GON4L: variants seen among roughly 807,000 people sequenced by gnomAD.
The protein encoded by GON4L is GON-4-like protein.
GON4L carries 87 observed loss-of-function variants against 211.8 expected under a neutral mutation model. The observed-to-expected ratio is 0.41, with a 90% confidence interval of 0.35 to 0.49. GON4L has a LOEUF of 0.49. GON4L is among the 20% of genes least tolerant of loss of function. The pLI, the probability that GON4L is intolerant of heterozygous loss-of-function variation, is 0.15. For synonymous variants in GON4L, 875 were observed against 962.6 expected, an observed-to-expected ratio of 0.91 and a Z score of 1.68; for missense variants, 2,155 against 2,659.5, an observed-to-expected ratio of 0.81 and a Z score of 4.17.
chr1:155,807,023 TAGG>T (rs1233647038), intron 10 of GON4L, among the ~76,000 whole-genome samples: 4 of 145,074 alleles, frequency 2.8e-5, no homozygotes, highest in Non-Finnish European at 5.9e-5. Context: ...CTCTTGAGAC[TAGG>T]AGATCAAGGC....
rs145954239 is a variant in GON4L at position 155,802,965 on chromosome 1, C to A, written c.1645+1984G>T. The stretch of plus-strand genomic sequence containing the variant: ...AGTGAGACCCTGTCTCACACACACA[C>A]AAAAAAGTACAATGTATTGTGAACC... On this transcript the variant is annotated intron_variant, in intron 11 of 31. Coordinates refer to ENST00000368331, the MANE Select transcript of GON4L (RefSeq NM_001282860.2). Among the ~76,000 whole-genome samples the A allele has an allele frequency of 4.1e-3, 626 of 152,170 alleles. 3 individuals carry two copies. Among genetic ancestry groups the A allele is most frequent in the African/African-American group, 0.015 (609 of 41,526 alleles).
upstream of GON4L, among the ~76,000 whole-genome samples, chr1:155,858,326 A>T (rs1196805345): frequency 1.3e-5 from 2 of 152,240 alleles, no homozygotes; most frequent in African/African-American, 4.8e-5. Flanking sequence ...TTTTACAGGT[A>T]AACCACCAAC....
intron 3 of GON4L, among the ~76,000 whole-genome samples, chr1:155,824,836 A>G (rs1669048039): frequency 6.6e-6 from 1 of 151,676 alleles, no homozygotes; most frequent in Non-Finnish European, 1.5e-5. Context: ...AAGAAAAAAC[A>G]AAGAGTTGAA....
intron 20 of GON4L, chr1:155,767,192 A>G: frequency 9.5e-7 from 1 of 1,051,668 alleles, no homozygotes; most frequent in Non-Finnish European, 1.4e-6. Context: ...TATACACTTT[A>G]GAAACTTCTG....
Position 155,760,433 on chromosome 1 carries a change from C to T in GON4L, c.5109+11G>A. The T allele has an allele frequency of 6.4e-7, 1 of 1,562,616 alleles. No individual in the cohort carries two copies. Among genetic ancestry groups the T allele is most frequent in the Admixed American group, 1.8e-5 (1 of 56,072 alleles). ...GGAGTCCCAGTGTACTTTTTTTCCC[C>T]ATTCACTTACTAATCCACAGGCCAG... On this transcript the variant is annotated intron_variant, in intron 24 of 31. Transcript: ENST00000368331.
intron 8 of GON4L, 37 bp from the exon 9 acceptor site, chr1:155,814,486 C>T (rs952059148): frequency 1.9e-6 from 3 of 1,605,312 alleles, no homozygotes; most frequent in South Asian, 2.2e-5. Flanking sequence ...ATATTTATGC[C>T]CCTACCTCAT....
Position 155,760,592 on chromosome 1 carries a change from T to G in GON4L, c.4961A>C (p.Gln1654Pro), listed in dbSNP as rs367887854. The change falls in exon 24 of 32, where the codon CAA becomes CCA. Residue 1654 changes from glutamine to proline, a missense_variant. Transcript: ENST00000368331. The stretch of plus-strand genomic sequence containing the variant: ...ACTTGACTCAAATTCATAGATGACT[T>G]GAAGGAAGTCTTCATACTTGCCAGG... ...HIPGKYEDFL[Q>P]VIYEFESSTQ... is the part of the protein sequence containing the mutation. 6 of 1,613,526 alleles carry G rather than the reference T, an allele frequency of 3.7e-6. No individual in the cohort carries two copies. The highest frequency in any genetic ancestry group is 5.1e-6 in the Non-Finnish European group (6 of 1,179,578).
intron 12 of GON4L, among the ~76,000 whole-genome samples, chr1:155,793,919 A>C (rs1460287465): frequency 1.3e-5 from 2 of 152,004 alleles, no homozygotes; most frequent in Admixed American, 1.3e-4. Flanking sequence ...TCAATGATAT[A>C]ATTTTTTATA....
chr1:155,834,221 T>C (rs1670084666), intron 2 of GON4L, among the ~76,000 whole-genome samples: 1 of 152,224 alleles, frequency 6.6e-6, no homozygotes, highest in Non-Finnish European at 1.5e-5. Flanking sequence ...GTAACCTTTT[T>C]CTCAGGTATT....
rs552735441 is a variant in GON4L, at chr1:155,857,185, C to T, written c.-65G>A. ...AGCCGGCCTGATTCCACGGAAACGGCTTTGGCACCACCGGAAGTCAGCCAA... is the reference window on the plus strand; with the variant it reads ...AGCCGGCCTGATTCCACGGAAACGGTTTTGGCACCACCGGAAGTCAGCCAA... On this transcript the variant is annotated 5_prime_UTR_variant, in exon 1 of 32. Coordinates refer to ENST00000368331, the MANE Select transcript of GON4L (RefSeq NM_001282860.2). 6 of 152,546 alleles carry T rather than the reference C, an allele frequency of 3.9e-5. No homozygotes were observed. The highest frequency in any genetic ancestry group is 9.7e-5 in the African/African-American group (4 of 41,450). The allele number at this position is 152,546 out of a possible 1,614,324, so 9.4% of individuals were successfully genotyped here. A position where few individuals can be genotyped will look rare whatever the true frequency, so the allele number is the denominator to read the frequency against.
intron 10 of GON4L, among the ~76,000 whole-genome samples, chr1:155,811,482 G>A (rs1667767645): frequency 6.6e-6 from 1 of 150,758 alleles, no homozygotes; most frequent in Non-Finnish European, 1.5e-5. Context: ...TGGGCTGGGT[G>A]CATTGGCTCA....
chr1:155,762,718 A>C (rs189707171), intron 22 of GON4L, among the ~76,000 whole-genome samples: 1 of 152,334 alleles, frequency 6.6e-6, no homozygotes, highest in East Asian at 1.9e-4. Flanking sequence ...AGCCCCACAC[A>C]TGACAGATAA....
intron 2 of GON4L, among the ~76,000 whole-genome samples, chr1:155,841,035 C>CA (rs201857350): frequency 1.3e-4 from 20 of 150,458 alleles, no homozygotes; most frequent in African/African-American, 2.7e-4. Flanking sequence ...AACTCAGTCT[C>CA]AAAAAAAAAG....
At position 155,853,277 on chromosome 1, in the gene GON4L, T is replaced by G; in HGVS notation, c.504A>C (p.Gly168=). 2 of 1,613,110 alleles carry G rather than the reference T, an allele frequency of 1.2e-6. No individual in the cohort carries two copies. Among genetic ancestry groups the G allele is most frequent in the Non-Finnish European group, 1.7e-6 (2 of 1,179,034 alleles). Residue 168 remains glycine, a splice_region_variant and synonymous_variant, in exon 2 of 32, where the codon GGA becomes GGC. Coordinates refer to ENST00000368331, the MANE Select transcript of GON4L (RefSeq NM_001282860.2). ...GEPSEEVKEE[G]GKPQMNSEGE... ...ACCTAGAGACCTTGTATACCTTACC[T>G]CCTTCTTCCTTGACTTCTTCACTAG...
At chr1:155,826,167 C>T (rs1669193148) in intron 3 of GON4L, among the ~76,000 whole-genome samples, 1 of 151,900 alleles carries the variant, frequency 6.6e-6, no homozygotes, top group African/African-American at 2.4e-5. Flanking sequence ...GCCGTGATGG[C>T]ACCACTACAC....
intron 1 of GON4L, among the ~76,000 whole-genome samples, chr1:155,855,001 A>G (rs962845271): frequency 6.0e-5 from 9 of 150,270 alleles, no homozygotes; most frequent in Admixed American, 2.0e-4. Flanking sequence ...TCCCCATTGC[A>G]CTCCAGCCTG....
chr1:155,839,487 A>C (rs1419791337), intron 2 of GON4L, among the ~76,000 whole-genome samples: 2 of 151,988 alleles, frequency 1.3e-5, no homozygotes, highest in Non-Finnish European at 2.9e-5. Flanking sequence ...TGTCTCTACT[A>C]AAAAATACAA....
chr1:155,819,838 C>T (rs992485007), intron 6 of GON4L, among the ~76,000 whole-genome samples: 2 of 152,134 alleles, frequency 1.3e-5, no homozygotes, highest in Non-Finnish European at 2.9e-5. Flanking sequence ...TGTGTTTTTG[C>T]CAATGCATAT....
intron 2 of GON4L, among the ~76,000 whole-genome samples, chr1:155,835,967 A>G (rs1029208094): frequency 6.6e-6 from 1 of 152,188 alleles, no homozygotes; most frequent in African/African-American, 2.4e-5. Flanking sequence ...GATTGGGTTG[A>G]GCACCGTGGC....
Sources: allele counts gnomAD v4.1 joint callset (sites outside exome capture counted in the v4.1 genomes callset), GRCh38; gene constraint gnomAD v4.1.1; transcripts MANE v1.5; gene names NCBI Gene and HGNC (gene_info 2026-07-23, HGNC 2026-07-21).